The following TENM3 variants were observed in gnomAD, a reference collection of about 807,000 sequenced individuals.
TENM3 encodes the protein teneurin transmembrane protein 3.
Under a neutral mutation model 255.1 loss-of-function variants are expected in TENM3, and 63 were observed. The observed-to-expected ratio is 0.25, with a 90% CI of 0.20 to 0.30. TENM3 has a LOEUF of 0.30. Ranked by LOEUF, TENM3 falls within the 10% of genes least tolerant of loss-of-function variation. The pLI is 1.00. For synonymous variants in TENM3, 1,306 were observed against 1,322.3 expected (o/e 0.99, Z 0.27); for missense variants, 2,929 against 3,461.1 (o/e 0.85, Z 3.86).
chr4:181,665,651 A>G, the TENM3 span, among the ~76,000 whole-genome samples: 1 of 152,074 alleles, frequency 6.6e-6, no homozygotes, highest in Non-Finnish European at 1.5e-5. Flanking sequence ...ACACATATAT[A>G]CATATACAGA....
chr4:182,144,957 C>G (rs1470113351), intron 1 of TENM3: 1 of 151,928 alleles, frequency 6.6e-6, no homozygotes, highest in Non-Finnish European at 1.5e-5. Flanking sequence ...CAGCCACCTC[C>G]GGCCGCCGGC....
chr4:182,496,529 A>G (rs902796987), intron 3 of TENM3, among the ~76,000 whole-genome samples: 8 of 14,820 alleles, frequency 5.4e-4, no homozygotes, highest in Non-Finnish European at 1.6e-3. Flanking sequence ...TGTGCTTTAT[A>G]AGAAAACGGA....
At chr4:181,598,082 C>T in the TENM3 span, among the ~76,000 whole-genome samples, 5 of 152,054 alleles carry the variant, frequency 3.3e-5, no homozygotes, top group Non-Finnish European at 5.9e-5. Context: ...TACTGAATAC[C>T]GGACAGACAT....
chr4:181,560,771 G>A, the TENM3 span, among the ~76,000 whole-genome samples: 4 of 152,190 alleles, frequency 2.6e-5, no homozygotes, highest in Admixed American at 1.3e-4. Context: ...AGGAAGGTCC[G>A]GGAAGGCGTG....
intron 1 of TENM3, among the ~76,000 whole-genome samples, chr4:182,205,106 C>G (rs929363789): frequency 6.6e-6 from 1 of 152,196 alleles, no homozygotes; most frequent in African/African-American, 2.4e-5. Context: ...CTCTCTAATA[C>G]TCACTGGATA....
At chr4:182,030,052 T>TTTGATG in the TENM3 span, among the ~76,000 whole-genome samples, 1 of 134,756 alleles carries the variant, frequency 7.4e-6, no homozygotes. Context: ...TCAATGCATC[T>TTTGATG]TTGTTGTTGT....
intron 22 of TENM3, among the ~76,000 whole-genome samples, chr4:182,773,088 A>AT (rs1221919574): frequency 6.6e-6 from 1 of 152,236 alleles, no homozygotes; most frequent in Non-Finnish European, 1.5e-5. Context: ...AAGTCAGTAA[A>AT]TCTTTAAGAA....
At chr4:182,744,009 C>A in intron 19 of TENM3, 2 of 486,096 alleles carry the variant, frequency 4.1e-6, no homozygotes, top group Non-Finnish European at 5.4e-6. Flanking sequence ...ATCATTTCTG[C>A]CAAGTTGGCA....
chr4:182,800,127 C>G lies in TENM3; in HGVS notation c.7876C>G (p.Gln2626Glu). ...GGCGCGCATCCTGGAGCAGGCGCGG[C>G]AGCGCGCGCTCGCCCGGGCCTGGGC... ...EKARILEQAR[Q>E]RALARAWARE... is the part of the protein sequence containing the mutation. Residue 2626 changes from glutamine to glutamate, a missense_variant, in exon 28 of 28, where the codon CAG (glutamine) becomes GAG (glutamate). By Grantham distance (29) the Gln-to-Glu change is conservative. Around this residue, in one of 6 missense-constraint regions of TENM3, gnomAD observed 476 missense variants for 480.1 expected, o/e 0.99. Coordinates refer to ENST00000511685, the MANE Select transcript of TENM3 (RefSeq NM_001080477.4). The G allele has an allele frequency of 6.7e-7, 1 of 1,489,824 alleles. No homozygotes were observed. Among genetic ancestry groups the G allele is most frequent in the Non-Finnish European group, 8.9e-7 (1 of 1,128,788 alleles). 92.3% of individuals were successfully genotyped at this position (1,489,824 alleles called of 1,614,324 possible). A position where few individuals can be genotyped will look rare whatever the true frequency, so the allele number is the denominator to read the frequency against.
At chr4:182,075,885 C>T in the TENM3 span, among the ~76,000 whole-genome samples, 2 of 152,150 alleles carry the variant, frequency 1.3e-5, no homozygotes, top group East Asian at 3.9e-4. Flanking sequence ...TACATTCCTG[C>T]AGTCTCACCT....
intron 1 of TENM3, among the ~76,000 whole-genome samples, chr4:182,221,827 G>A (rs1042804796): frequency 6.6e-6 from 1 of 152,064 alleles, no homozygotes; most frequent in African/African-American, 2.4e-5. Flanking sequence ...GGCACATATT[G>A]TATGCAAATG....
At chr4:181,607,837 A>G in the TENM3 span, among the ~76,000 whole-genome samples, 1 of 152,218 alleles carries the variant, frequency 6.6e-6, no homozygotes, top group Non-Finnish European at 1.5e-5. Context: ...ATTTATTATA[A>G]TGAGTGAAAA....
the TENM3 span, among the ~76,000 whole-genome samples, chr4:182,062,835 T>A: frequency 6.6e-6 from 1 of 152,228 alleles, no homozygotes; most frequent in African/African-American, 2.4e-5. Context: ...GAAATTTGAT[T>A]GTTAAACAGA....
chr4:182,385,184 G>T lies in TENM3; in HGVS notation c.511+38255G>T, dbSNP rs575049429. ...CATCCAAACATTAAATGACAAGAAT[G>T]TTGAGTTGAGAATGTAGAATTGTAC... is the stretch of plus-strand genomic sequence containing the variant. On this transcript the variant is annotated intron_variant, in intron 3 of 27. Transcript: ENST00000511685. Among the ~76,000 whole-genome samples the T allele has an allele frequency of 2.7e-5, 4 of 150,124 alleles. No homozygotes were observed. The South Asian group carries it at 8.5e-4, about 32-fold the overall frequency.
intron 4 of TENM3, among the ~76,000 whole-genome samples, chr4:182,602,217 T>C (rs2152414996): frequency 6.6e-6 from 1 of 152,320 alleles, no homozygotes; most frequent in South Asian, 2.1e-4. Flanking sequence ...CCAACATTCC[T>C]CTTATTCTTT....
At chr4:182,262,624 C>T (rs530751558) in intron 1 of TENM3, among the ~76,000 whole-genome samples, 1 of 152,090 alleles carries the variant, frequency 6.6e-6, no homozygotes, top group African/African-American at 2.4e-5. Context: ...CCTTGTTTAG[C>T]ATATAATCAA....
At chr4:181,664,241 G>A in the TENM3 span, among the ~76,000 whole-genome samples, 1 of 152,114 alleles carries the variant, frequency 6.6e-6, no homozygotes, top group Non-Finnish European at 1.5e-5. Context: ...GCCAAGGAGG[G>A]TGGATTACTT....
chr4:181,907,709 G>T, the TENM3 span, among the ~76,000 whole-genome samples: 2 of 152,132 alleles, frequency 1.3e-5, no homozygotes, highest in Non-Finnish European at 2.9e-5. Flanking sequence ...CAAGCTCTCA[G>T]AGGAGGGAGA....
intron 3 of TENM3, among the ~76,000 whole-genome samples, chr4:182,433,767 G>A (rs1332044406): frequency 6.6e-6 from 1 of 152,178 alleles, no homozygotes; most frequent in Non-Finnish European, 1.5e-5. Context: ...CAGAGGCCAT[G>A]TAATAGATTA....
Sources: allele counts gnomAD v4.1 joint callset (sites outside exome capture counted in the v4.1 genomes callset), GRCh38; gene constraint gnomAD v4.1.1; regional missense constraint gnomAD v4.1.1; transcripts MANE v1.5; gene names NCBI Gene and HGNC (gene_info 2026-07-23, HGNC 2026-07-21).